The following GTF2IRD1 variants were observed in gnomAD, a reference collection of about 807,000 sequenced individuals.
The protein encoded by GTF2IRD1 is GTF2I repeat domain containing 1.
Under a neutral mutation model 113.2 loss-of-function variants are expected in GTF2IRD1, and 26 were observed. The ratio of observed to expected loss-of-function variants is 0.23; its 90% CI spans 0.17 to 0.32. GTF2IRD1 has a LOEUF of 0.32. Ranked by LOEUF, GTF2IRD1 falls within the 10% of genes least tolerant of loss-of-function variation. The pLI, the probability that GTF2IRD1 is intolerant of heterozygous loss-of-function variation, is 1.00. For synonymous variants in GTF2IRD1, 484 were observed against 529.1 expected, an observed-to-expected ratio of 0.91 and a Z score of 1.17; for missense variants, 864 against 1,280.8, an observed-to-expected ratio of 0.67 and a Z score of 4.97.
chr7:74,578,294 G>C (rs1363574847), intron 22 of GTF2IRD1, among the ~76,000 whole-genome samples: 1 of 151,952 alleles, frequency 6.6e-6, no homozygotes, highest in African/African-American at 2.4e-5. Context: ...TGATTCTCCT[G>C]CCTCACTCAG....
rs148051515 is a variant in GTF2IRD1, at chr7:74,542,843, A to T, written c.1619-1912A>T. On this transcript the variant is annotated intron_variant, in intron 14 of 26. Coordinates refer to ENST00000424337, the MANE Select transcript of GTF2IRD1 (RefSeq NM_005685.4). ...ACAGCCAGAGGCTGGGTGGCACTGC[A>T]GGGGTTGGGGGCCTTGGATGAGCAC... Among the ~76,000 whole-genome samples the T allele has an allele frequency of 5.0e-4, 76 of 152,354 alleles. No individual in the cohort carries two copies. The East Asian group carries it at 0.012, about 23-fold the overall frequency.
chr7:74,602,304 A>T, intron 26 of GTF2IRD1, 61 bp from the exon 27 acceptor site: 1 of 1,573,894 alleles, frequency 6.4e-7, no homozygotes, highest in Non-Finnish European at 8.6e-7. Context: ...AGAACTAAGC[A>T]TTTTGGGTTT....
chr7:74,527,087 G>A (rs1797643608), intron 8 of GTF2IRD1, among the ~76,000 whole-genome samples: 1 of 152,180 alleles, frequency 6.6e-6, no homozygotes, highest in African/African-American at 2.4e-5. Flanking sequence ...ACAGCCAGGA[G>A]ATATGGGAGC....
rs587631630 is a variant in GTF2IRD1, at chr7:74,529,632, T to A, written c.1091-102T>A. The A allele has an allele frequency of 2.3e-4, 197 of 863,892 alleles. No homozygotes were observed. In the South Asian group the frequency reaches 3.1e-3, roughly 13 times the overall value. 53.5% of individuals were successfully genotyped at this position (863,892 alleles called of 1,614,324 possible). On this transcript the variant is annotated intron_variant, in intron 8 of 26. Coordinates refer to ENST00000424337, the MANE Select transcript of GTF2IRD1 (RefSeq NM_005685.4). The stretch of plus-strand genomic sequence containing the variant: ...CCCTCTGGCCGCTACATGGCCAGAG[T>A]GGAGTGGGGACGGTGGGAGGTGATG...
chr7:74,473,379 G>GA (rs34786194), intron 1 of GTF2IRD1, among the ~76,000 whole-genome samples: 1 of 151,980 alleles, frequency 6.6e-6, no homozygotes, highest in Non-Finnish European at 1.5e-5. Flanking sequence ...AAGAGCTCTG[G>GA]AAACTTCTGT....
chr7:74,539,561 T>C (rs1431085217), intron 13 of GTF2IRD1, among the ~76,000 whole-genome samples: 2 of 151,992 alleles, frequency 1.3e-5, no homozygotes, highest in Non-Finnish European at 2.9e-5. Context: ...CTGGCCAACA[T>C]AGTGAAACCC....
intron 17 of GTF2IRD1, 122 bp downstream of exon 17, chr7:74,547,408 C>T: frequency 1.4e-6 from 1 of 702,750 alleles, no homozygotes; most frequent in Non-Finnish European, 2.4e-6. Context: ...GCTGGGACCA[C>T]AGGTGTGAGG....
chr7:74,511,893 G>T (rs1796659387), intron 2 of GTF2IRD1, among the ~76,000 whole-genome samples: 1 of 152,160 alleles, frequency 6.6e-6, no homozygotes, highest in Admixed American at 6.6e-5. Flanking sequence ...AAGGCCTCTG[G>T]GCTATGGGGC....
intron 1 of GTF2IRD1, among the ~76,000 whole-genome samples, chr7:74,483,301 G>T (rs1290788047): frequency 1.3e-5 from 2 of 152,082 alleles, no homozygotes; most frequent in African/African-American, 4.8e-5. Flanking sequence ...AGCACTTTGG[G>T]AGACTGAGGC....
At chr7:74,459,809 A>G (rs1385747537) in intron 1 of GTF2IRD1, among the ~76,000 whole-genome samples, 2 of 152,030 alleles carry the variant, frequency 1.3e-5, no homozygotes, top group Admixed American at 6.6e-5. Flanking sequence ...TTATCTGCCA[A>G]CCCTACAACT....
chr7:74,550,430 A>G (rs1415138043), intron 17 of GTF2IRD1, among the ~76,000 whole-genome samples: 2 of 151,052 alleles, frequency 1.3e-5, no homozygotes, highest in East Asian at 3.9e-4. Context: ...CTCTAGGGAA[A>G]AAAAAAAATT....
chr7:74,552,624 C>G (rs1259798013), intron 17 of GTF2IRD1, among the ~76,000 whole-genome samples: 1 of 152,124 alleles, frequency 6.6e-6, no homozygotes, highest in Non-Finnish European at 1.5e-5. Context: ...GAGACAGTGT[C>G]TCATTCTGGT....
At chr7:74,516,768 C>G (rs190938243) in intron 4 of GTF2IRD1, among the ~76,000 whole-genome samples, 1 of 152,028 alleles carries the variant, frequency 6.6e-6, no homozygotes, top group Non-Finnish European at 1.5e-5. Flanking sequence ...CAGGGCCCCG[C>G]GCCCCTGCCC....
chr7:74,527,492 AAAAG>A (rs1462049250), intron 8 of GTF2IRD1, among the ~76,000 whole-genome samples: 5 of 152,114 alleles, frequency 3.3e-5, no homozygotes, highest in Admixed American at 6.6e-5. Flanking sequence ...CTGTCTCTGA[AAAAG>A]AAAGAAAGAA....
chr7:74,537,425 CAAAA>C lies in GTF2IRD1; in HGVS notation c.1410-706_1410-703del, dbSNP rs1285667687. ...AAGACTCCGTCTCAAAAAAAAAAAA[CAAAA>C]AAAACATGGATGCATGTATACATAC... On this transcript the variant is annotated intron_variant, in intron 11 of 26. Transcript: ENST00000424337. Among the ~76,000 whole-genome samples the C allele has an allele frequency of 2.4e-4, 36 of 150,786 alleles. No individual in the cohort carries two copies. The South Asian group carries it at 5.7e-3, about 24-fold the overall frequency.
Position 74,508,072 on chromosome 7 carries a change from C to T in GTF2IRD1, c.-6-3C>T, listed in dbSNP as rs782479547. 34 of 1,603,538 alleles carry T rather than the reference C, an allele frequency of 2.1e-5. No individual in the cohort carries two copies. Among genetic ancestry groups the T allele is most frequent in the Non-Finnish European group, 2.4e-5 (28 of 1,178,584 alleles). ...ACCACCACTGCCTCCTCCCTCCCCA[C>T]AGGCGACCATGGCCTTGCTGGGTAA... On this transcript the variant is annotated splice_region_variant and splice_polypyrimidine_tract_variant and intron_variant, in intron 1 of 26. Transcript: ENST00000424337.
chr7:74,536,065 C>G lies in GTF2IRD1; in HGVS notation c.1301-102C>G, dbSNP rs1798276066. 8.0e-6 allele frequency: 6 copies of G among 747,510 alleles called. No homozygotes were observed. In the East Asian group the frequency reaches 1.3e-4, roughly 16 times the overall value. The allele number at this position is 747,510 out of a possible 1,614,324, so 46.3% of individuals were successfully genotyped here. On this transcript the variant is annotated intron_variant, in intron 10 of 26. Transcript: ENST00000424337. ...GGACAGGCAGAGGCCAGGCCCTATC[C>G]CCGGGATTCCCCCAGCTTCACACAC...
chr7:74,538,826 C>T, intron 13 of GTF2IRD1, 66 bp downstream of exon 13: 1 of 883,094 alleles, frequency 1.1e-6, no homozygotes, highest in Non-Finnish European at 1.9e-6. Context: ...TCCTGAGGGT[C>T]TGCCCTGGTG....
intron 1 of GTF2IRD1, among the ~76,000 whole-genome samples, chr7:74,470,863 GC>G (rs375797204): frequency 6.6e-5 from 10 of 152,280 alleles, no homozygotes; most frequent in African/African-American, 2.4e-4. Flanking sequence ...GAGTGCAATG[GC>G]GTGATCTCGG....
Sources: gnomAD v4.1 joint callset for allele counts (sites outside exome capture counted in the v4.1 genomes callset) on GRCh38, gnomAD v4.1.1 for gene constraint, MANE v1.5 for transcripts, NCBI Gene and HGNC (gene_info 2026-07-23, HGNC 2026-07-21) for gene names.